The following FGF13 variants were observed in gnomAD, a reference collection of about 807,000 sequenced individuals.
FGF13 encodes fibroblast growth factor 13.
A neutral mutation model predicts 19.5 loss-of-function variants in FGF13; 2 were observed. The ratio of observed to expected loss-of-function variants is 0.10; its 90% CI spans 0.04 to 0.32. The LOEUF (loss-of-function observed/expected upper bound fraction) is 0.32. Among genes scored for constraint, FGF13 ranks in the 10% least tolerant of loss-of-function variants. FGF13 has a pLI of 1.00. For missense variants in FGF13, 113 were observed against 192.7 expected (o/e 0.59, Z 2.45); for synonymous variants, 72 against 76.9 (o/e 0.94, Z 0.33).
At chrX:138,880,480 A>C (rs758605444) in intron 1 of FGF13, among the ~76,000 whole-genome samples, 2 of 112,018 alleles carry the variant, frequency 1.8e-5, no homozygotes, top group Non-Finnish European at 3.8e-5. Context: ...GCACATATAC[A>C]CTAAGGAATA....
chrX:138,793,266 C>A (rs2090755315), intron 3 of FGF13, among the ~76,000 whole-genome samples: 1 of 111,869 alleles, frequency 8.9e-6, no homozygotes, highest in East Asian at 2.8e-4. Flanking sequence ...ATTTAAGCCA[C>A]CAGATTTGTG....
chrX:139,035,423 C>A (rs1365158290), intron 1 of FGF13, among the ~76,000 whole-genome samples: 1 of 111,537 alleles, frequency 9.0e-6, no homozygotes, highest in Non-Finnish European at 1.9e-5. Flanking sequence ...TGGGGCCATG[C>A]ATTCATGCAT....
intron 3 of FGF13, among the ~76,000 whole-genome samples, chrX:138,694,986 A>AACACACACACACACAC (rs745359063): frequency 2.4e-5 from 2 of 84,759 alleles, no homozygotes; most frequent in East Asian, 3.7e-4. Context: ...TACTAGTTGA[A>AACACACACACACACAC]ACACACACAC....
rs142584632 is a variant in FGF13, at chrX:139,176,456, T to C, written c.-113+26960A>G. 2.4e-3 allele frequency among the ~76,000 whole-genome samples: 263 copies of C among 107,683 alleles called. 1 individual carries two copies. The highest frequency in any genetic ancestry group is 8.5e-3 in the African/African-American group (249 of 29,444). 93.5% of individuals were successfully genotyped at this position (107,683 alleles called of 115,157 possible). On this transcript the variant is annotated intron_variant, in intron 1 of 2. Transcript: ENST00000421460. ...TCACTTCTTGTCTTCTGTCTTCTCC[T>C]GGCTTTTGAATTTGTTTGCTCTTGC... is the stretch of plus-strand genomic sequence containing the variant.
intron 3 of FGF13, among the ~76,000 whole-genome samples, chrX:138,777,258 C>T (rs192747607): frequency 1.1e-3 from 121 of 111,534 alleles, no homozygotes; most frequent in African/African-American, 3.6e-3. Flanking sequence ...CCCTGACAGC[C>T]CAGGACTCTC....
chrX:138,885,125 G>T (rs933331552), intron 1 of FGF13, among the ~76,000 whole-genome samples: 1 of 111,890 alleles, frequency 8.9e-6, no homozygotes, highest in African/African-American at 3.3e-5. Flanking sequence ...TTTAGGTCAG[G>T]TTCCTTAGGT....
rs754495007 is a variant in FGF13, at chrX:138,878,807, C to G, written c.-112-14157G>C. On this transcript the variant is annotated intron_variant, in intron 1 of 2. Transcript: ENST00000421460. ...TCCTATTTCTCCACGTCCTCTCCAGCACCTGTTGTTTCCTGACTTTTTAAT... is the reference window on the plus strand; with the variant it reads ...TCCTATTTCTCCACGTCCTCTCCAGGACCTGTTGTTTCCTGACTTTTTAAT... Among the ~76,000 whole-genome samples the G allele has an allele frequency of 8.3e-3, 932 of 111,673 alleles. 11 individuals are homozygous for G. Among genetic ancestry groups the G allele is most frequent in the African/African-American group, 0.028 (867 of 30,592 alleles).
At chrX:138,825,397 T>C (rs984745370) in intron 3 of FGF13, among the ~76,000 whole-genome samples, 1 of 112,348 alleles carries the variant, frequency 8.9e-6, no homozygotes, top group African/African-American at 3.2e-5. Context: ...TAAAGACTTA[T>C]TATTGGTACC....
intron 1 of FGF13, among the ~76,000 whole-genome samples, chrX:138,722,335 C>G (rs1376663254): frequency 4.5e-5 from 5 of 111,413 alleles, no homozygotes; most frequent in East Asian, 5.6e-4. Context: ...AATAATCTCC[C>G]ATCAAATGTA....
chrX:139,020,035 A>G (rs769188665), intron 1 of FGF13, among the ~76,000 whole-genome samples: 30 of 110,712 alleles, frequency 2.7e-4, no homozygotes, highest in Non-Finnish European at 4.6e-4. Flanking sequence ...CTGCCCTAAG[A>G]TCTAGCTTGT....
At chrX:139,049,364 A>G (rs2092297500) in intron 1 of FGF13, among the ~76,000 whole-genome samples, 1 of 111,479 alleles carries the variant, frequency 9.0e-6, no homozygotes, top group Non-Finnish European at 1.9e-5. Flanking sequence ...ACTGATTACC[A>G]ACTGTTGAGA....
rs867830417 is a variant in FGF13 at position 138,623,901 on chromosome X, C to T, written c.*8949G>A. ...TAACCAAGGAGGTGAAAAATCTGTACATTAAAAACTATAAGATACTGATGA... is the reference window on the plus strand; with the variant it reads ...TAACCAAGGAGGTGAAAAATCTGTATATTAAAAACTATAAGATACTGATGA... On this transcript the variant is annotated 3_prime_UTR_variant, in exon 5 of 5. Transcript: ENST00000315930. The T allele has an allele frequency of 5.4e-5, 6 of 111,694 alleles. No homozygotes were observed. The highest frequency in any genetic ancestry group is 1.9e-4 in the African/African-American group (6 of 30,770). The allele number at this position is 111,694 out of a possible 1,213,427, so 9.2% of individuals were successfully genotyped here.
chrX:138,962,640 A>G (rs2091877561), intron 1 of FGF13, among the ~76,000 whole-genome samples: 1 of 112,452 alleles, frequency 8.9e-6, no homozygotes. Context: ...TGTGGCACAT[A>G]TACACCAAGG....
chrX:138,869,452 A>G (rs916280973), intron 1 of FGF13, among the ~76,000 whole-genome samples: 7 of 112,501 alleles, frequency 6.2e-5, no homozygotes, highest in African/African-American at 9.7e-5. Context: ...AGCTCTTCCA[A>G]TTGATCAAGA....
chrX:138,970,557 C>G (rs1428436779), intron 1 of FGF13, among the ~76,000 whole-genome samples: 1 of 111,595 alleles, frequency 9.0e-6, no homozygotes, highest in Non-Finnish European at 1.9e-5. Flanking sequence ...TGACCCAGAG[C>G]GCGTCAGGAT....
intron 1 of FGF13, among the ~76,000 whole-genome samples, chrX:138,718,481 T>C (rs2090125125): frequency 8.9e-6 from 1 of 111,999 alleles, no homozygotes; most frequent in South Asian, 3.7e-4. Context: ...ATCTAGTGTC[T>C]GTTATTATTT....
rs2088963429 is a variant in FGF13 at position 138,615,848 on chromosome X, G to T, written c.*17002C>A. ...CATGGTGGAAGGCCCCTCTTCACAG[G>T]GTGGCAGGAGAGAGAATGAGTGCCA... On this transcript the variant is annotated 3_prime_UTR_variant, in exon 5 of 5. Coordinates refer to ENST00000315930, the MANE Select transcript of FGF13 (RefSeq NM_004114.5). 9.0e-6 allele frequency: 1 copy of T among 111,618 alleles called. No individual in the cohort carries two copies. Among genetic ancestry groups the T allele is most frequent in the Non-Finnish European group, 1.9e-5 (1 of 53,396 alleles). 9.2% of individuals were successfully genotyped at this position (111,618 alleles called of 1,213,427 possible).
At chrX:139,162,430 T>G (rs936238820) in intron 1 of FGF13, among the ~76,000 whole-genome samples, 26 of 112,117 alleles carry the variant, frequency 2.3e-4, no homozygotes, top group African/African-American at 6.8e-4. Context: ...CCTAAAACCA[T>G]GAACACCCTA....
chrX:139,139,688 C>T (rs915231647), intron 1 of FGF13, among the ~76,000 whole-genome samples: 2 of 111,856 alleles, frequency 1.8e-5, no homozygotes, highest in African/African-American at 6.5e-5. Flanking sequence ...TAGATTCATC[C>T]ATTCATTTAC....
Sources: allele counts gnomAD v4.1 joint callset (sites outside exome capture counted in the v4.1 genomes callset), GRCh38; gene constraint gnomAD v4.1.1; transcripts MANE v1.5; gene names NCBI Gene and HGNC (gene_info 2026-07-23, HGNC 2026-07-21).